The following FNDC3B variants were observed in gnomAD, a reference collection of about 807,000 sequenced individuals.
The protein encoded by FNDC3B is fibronectin type III domain-containing protein 3B.
A neutral mutation model predicts 151.5 loss-of-function variants in FNDC3B; 12 were observed. The ratio of observed to expected loss-of-function variants is 0.08; its 90% CI spans 0.05 to 0.13. FNDC3B has a LOEUF of 0.13. Among genes scored for constraint, FNDC3B ranks in the 10% least tolerant of loss-of-function variants. FNDC3B has a pLI of 1.00. For missense variants in FNDC3B, 1,214 were observed against 1,505.3 expected (o/e 0.81, Z 3.20); for synonymous variants, 528 against 549.0 (o/e 0.96, Z 0.54).
intron 16 of FNDC3B, among the ~76,000 whole-genome samples, chr3:172,338,783 A>G (rs1733124389): frequency 6.6e-6 from 1 of 152,076 alleles, no homozygotes; most frequent in Admixed American, 6.5e-5. Flanking sequence ...CGCCCAGGCG[A>G]CAGAGTGCAG....
chr3:172,126,228 G>A (rs979221772), intron 2 of FNDC3B, among the ~76,000 whole-genome samples: 2 of 152,108 alleles, frequency 1.3e-5, no homozygotes, highest in African/African-American at 4.8e-5. Flanking sequence ...GCATAGAATC[G>A]GCTGTGTGCT....
Position 172,301,496 on chromosome 3 carries a change from C to T in FNDC3B, c.1061+2709C>T, listed in dbSNP as rs756037298. Among the ~76,000 whole-genome samples the T allele has an allele frequency of 1.4e-4, 22 of 152,232 alleles. 1 individual carries two copies. The highest frequency in any genetic ancestry group is 2.1e-4 in the South Asian group (1 of 4,820). The stretch of plus-strand genomic sequence containing the variant: ...AGTCACCTATAAGGCCTCAAAAGGC[C>T]GTGTGGAAATAGTTTCTTCACTAAA... On this transcript the variant is annotated intron_variant, in intron 9 of 25. Transcript: ENST00000415807.
intron 1 of FNDC3B, among the ~76,000 whole-genome samples, chr3:172,073,623 C>T (rs942698081): frequency 1.3e-5 from 2 of 152,232 alleles, no homozygotes; most frequent in South Asian, 2.1e-4. Context: ...AGTGAGTTCC[C>T]GTTTGCTGTA....
rs1328196650 is a variant in FNDC3B, at chr3:172,040,401, G to A, written c.-29+630G>A. Among the ~76,000 whole-genome samples, 3 of 151,842 alleles carry A rather than the reference G, an allele frequency of 2.0e-5. No individual in the cohort carries two copies. Among genetic ancestry groups the A allele is most frequent in the African/African-American group, 7.2e-5 (3 of 41,404 alleles). ...GAGCCCGCGCCGGCCTGGCCCCCCC[G>A]TCCCCGGCTGGGCCTCTCCGGGACA... is the stretch of plus-strand genomic sequence containing the variant. On this transcript the variant is annotated intron_variant, in intron 1 of 25. Transcript: ENST00000415807. This position sits in a 1 kb window ranked among gnomAD's most constrained non-coding sequence, Gnocchi z 6.6.
At chr3:172,077,014 A>T (rs1304629926) in intron 1 of FNDC3B, among the ~76,000 whole-genome samples, 1 of 152,240 alleles carries the variant, frequency 6.6e-6, no homozygotes, top group Non-Finnish European at 1.5e-5. Flanking sequence ...AGAAAACAAA[A>T]TCTGCATAAT....
At chr3:172,090,452 A>G (rs1313302120) in intron 1 of FNDC3B, among the ~76,000 whole-genome samples, 1 of 143,720 alleles carries the variant, frequency 7.0e-6, no homozygotes, top group African/African-American at 2.5e-5. Flanking sequence ...AAACAAACAA[A>G]CAGGGAGCTG....
intron 1 of FNDC3B, among the ~76,000 whole-genome samples, chr3:172,045,494 A>G (rs575239532): frequency 8.5e-5 from 13 of 152,202 alleles, no homozygotes; most frequent in Non-Finnish European, 1.9e-4. Flanking sequence ...TAGGCCTTGT[A>G]TGTTACCTTA....
intron 9 of FNDC3B, chr3:172,303,188 C>G (rs1340811327): frequency 6.6e-6 from 1 of 151,924 alleles, no homozygotes; most frequent in East Asian, 1.9e-4. Flanking sequence ...TTACAATGAC[C>G]ATTTTACTGC....
intron 11 of FNDC3B, among the ~76,000 whole-genome samples, chr3:172,316,750 G>T (rs946957638): frequency 6.6e-6 from 1 of 152,194 alleles, no homozygotes; most frequent in Non-Finnish European, 1.5e-5. Flanking sequence ...TCATATTGAT[G>T]ATATATATCA....
chr3:172,342,474 C>G (rs1484076007), intron 17 of FNDC3B, among the ~76,000 whole-genome samples: 2 of 152,228 alleles, frequency 1.3e-5, no homozygotes, highest in African/African-American at 4.8e-5. Flanking sequence ...GGAAGTAGGT[C>G]AGCTTCCATA....
Position 172,061,279 on chromosome 3 carries a change from C to CTAGA in FNDC3B, c.-29+21509_-29+21512dup, listed in dbSNP as rs1377047859. Among the ~76,000 whole-genome samples the CTAGA allele has an allele frequency of 4.0e-4, 60 of 150,048 alleles. 1 individual carries two copies. Among genetic ancestry groups the CTAGA allele is most frequent in the Admixed American group, 3.3e-4 (5 of 15,046 alleles). The stretch of plus-strand genomic sequence containing the variant: ...ATGGAGTCTCGCTCTGTCACCCAGG[C>CTAGA]TAGAGTGCAGTGGCGTGATCTCGGT... On this transcript the variant is annotated intron_variant, in intron 1 of 25. Transcript: ENST00000415807.
chr3:172,106,596 G>A (rs1307546068), intron 1 of FNDC3B, among the ~76,000 whole-genome samples: 3 of 152,226 alleles, frequency 2.0e-5, no homozygotes, highest in African/African-American at 7.2e-5. Flanking sequence ...CTCAGAGTGA[G>A]GACCAGGACA....
At chr3:172,297,233 T>C (rs748944413) in intron 8 of FNDC3B, among the ~76,000 whole-genome samples, 3 of 152,204 alleles carry the variant, frequency 2.0e-5, no homozygotes, top group African/African-American at 7.2e-5. Flanking sequence ...ATTTTAAAGA[T>C]ACAATGTAGG....
chr3:172,378,239 G>T, intron 23 of FNDC3B, 31 bp from the exon 24 acceptor site: 1 of 1,545,036 alleles, frequency 6.5e-7, no homozygotes, highest in Non-Finnish European at 8.7e-7. Flanking sequence ...TAGACGTTCA[G>T]ATGGCTAATT....
At chr3:172,184,078 A>G (rs1208474952) in intron 3 of FNDC3B, among the ~76,000 whole-genome samples, 1 of 152,248 alleles carries the variant, frequency 6.6e-6, no homozygotes, top group Non-Finnish European at 1.5e-5. Context: ...TAATTTATAA[A>G]GTAAATACAA....
intron 3 of FNDC3B, among the ~76,000 whole-genome samples, chr3:172,209,946 C>T (rs1725645630): frequency 6.6e-6 from 1 of 152,276 alleles, no homozygotes. Flanking sequence ...AGCACACACA[C>T]ATCCGGCTGG....
chr3:172,303,554 C>G (rs1326773331), intron 9 of FNDC3B, among the ~76,000 whole-genome samples: 1 of 152,130 alleles, frequency 6.6e-6, no homozygotes, highest in East Asian at 1.9e-4. Flanking sequence ...TAAGCTGAAA[C>G]AAATGTGAAA....
At chr3:172,375,520 A>C (rs1735086327) in intron 23 of FNDC3B, among the ~76,000 whole-genome samples, 2 of 152,312 alleles carry the variant, frequency 1.3e-5, no homozygotes, top group South Asian at 4.1e-4. Flanking sequence ...CTGGTTAATT[A>C]CATGACATAG....
chr3:172,322,910 G>A (rs531258127), intron 11 of FNDC3B, among the ~76,000 whole-genome samples: 1 of 152,278 alleles, frequency 6.6e-6, no homozygotes, highest in Admixed American at 6.5e-5. Flanking sequence ...TAAGGGCAGG[G>A]AACCCAAACA....
Sources: gnomAD v4.1 joint callset for allele counts (sites outside exome capture counted in the v4.1 genomes callset) on GRCh38, gnomAD v4.1.1 for gene constraint, Gnocchi (gnomAD v3.1) non-coding constraint, MANE v1.5 for transcripts, NCBI Gene and HGNC (gene_info 2026-07-23, HGNC 2026-07-21) for gene names.